The following LTBP1 variants were observed in gnomAD, a reference collection of about 807,000 sequenced individuals.
LTBP1 encodes latent transforming growth factor beta binding protein 1, also known as latent-transforming growth factor beta-binding protein 1.
LTBP1 carries 129 observed loss-of-function variants against 207.6 expected under a neutral mutation model. The observed-to-expected ratio is 0.62, with a 90% CI of 0.54 to 0.72. The LOEUF (loss-of-function observed/expected upper bound fraction) is 0.72, where lower values mean the gene tolerates loss of function less well. LTBP1 is among the 30% of genes least tolerant of loss of function. The pLI, the probability that LTBP1 is intolerant of heterozygous loss-of-function variation, is 0.00. For missense variants in LTBP1, 2,281 were observed against 2,217.2 expected (o/e 1.03, Z -0.58); for synonymous variants, 963 against 833.7 (o/e 1.16, Z -2.67).
In LTBP1 at chr2:33,052,665, A is replaced by C. The variant is rs115207308; in HGVS notation, c.863+31459A>C. Among the ~76,000 whole-genome samples the C allele has an allele frequency of 7.3e-3, 1,115 of 152,354 alleles. 1 individual carries two copies. Among genetic ancestry groups the C allele is most frequent in the Non-Finnish European group, 0.012 (819 of 68,038 alleles). ...AAGGGAAATTGGTTTATTGAGGAGA[A>C]TGTATCTTCATATACTATTTGTAAG... On this transcript the variant is annotated intron_variant, in intron 3 of 33. Coordinates refer to ENST00000404816, the MANE Select transcript of LTBP1 (RefSeq NM_206943.4).
At chr2:32,987,321 G>A (rs1683747875) in intron 2 of LTBP1, among the ~76,000 whole-genome samples, 1 of 152,122 alleles carries the variant, frequency 6.6e-6, no homozygotes, top group Non-Finnish European at 1.5e-5. Flanking sequence ...TGGAGAGGAA[G>A]GAATAGAAGA....
chr2:33,210,589 T>A (rs1388355243), intron 7 of LTBP1, among the ~76,000 whole-genome samples: 2 of 152,230 alleles, frequency 1.3e-5, no homozygotes, highest in Admixed American at 6.5e-5. Context: ...CTATGATGCT[T>A]CTTTTCCCCT....
rs58303103 is a variant in LTBP1, at chr2:33,149,228, C to CAAAA, written c.1201+14292_1201+14295dup. 4.1e-3 allele frequency among the ~76,000 whole-genome samples: 340 copies of CAAAA among 82,760 alleles called. 10 individuals carry two copies. Among genetic ancestry groups the CAAAA allele is most frequent in the African/African-American group, 6.5e-3 (138 of 21,174 alleles). 54.3% of individuals were successfully genotyped at this position (82,760 alleles called of 152,430 possible). ...AGACTCCGTCTCACTCACAAAAAAA[C>CAAAA]AAAAAAAAAAAAAAAAAAAAAAAAA... On this transcript the variant is annotated intron_variant, in intron 5 of 33. Coordinates refer to ENST00000404816, the MANE Select transcript of LTBP1 (RefSeq NM_206943.4).
intron 24 of LTBP1, among the ~76,000 whole-genome samples, chr2:33,338,771 G>A (rs1432124699): frequency 6.6e-6 from 1 of 152,184 alleles, no homozygotes; most frequent in East Asian, 1.9e-4. Context: ...GAAGGAGTAT[G>A]CACCAAGTCC....
intron 31 of LTBP1, among the ~76,000 whole-genome samples, chr2:33,382,004 G>C (rs6742198): frequency 1.3e-5 from 2 of 151,276 alleles, no homozygotes; most frequent in Non-Finnish European, 2.9e-5. Context: ...TTAATAGTGC[G>C]TGTTAGCTAA....
At chr2:32,990,013 G>A (rs932507082) in intron 2 of LTBP1, among the ~76,000 whole-genome samples, 3 of 152,204 alleles carry the variant, frequency 2.0e-5, no homozygotes, top group Admixed American at 1.3e-4. Flanking sequence ...GCTGAGGTGG[G>A]AGGACCGCTT....
intron 9 of LTBP1, among the ~76,000 whole-genome samples, chr2:33,242,854 G>A (rs1344804010): frequency 1.3e-5 from 2 of 152,142 alleles, no homozygotes; most frequent in Non-Finnish European, 2.9e-5. Flanking sequence ...CCTAGAGTCT[G>A]TCTTTGAGTC....
chr2:32,999,318 G>A (rs1449328537), intron 2 of LTBP1, among the ~76,000 whole-genome samples: 1 of 152,198 alleles, frequency 6.6e-6, no homozygotes, highest in African/African-American at 2.4e-5. Context: ...TTTAACCCGA[G>A]ATGCCTTAAA....
chr2:33,113,818 A>T (rs185916126), intron 4 of LTBP1, among the ~76,000 whole-genome samples: 1 of 152,038 alleles, frequency 6.6e-6, no homozygotes, highest in Non-Finnish European at 1.5e-5. Context: ...TATGTATCTC[A>T]GTTTGTTTAT....
chr2:33,267,828 T>G (rs1449546840), intron 15 of LTBP1, among the ~76,000 whole-genome samples: 1 of 152,202 alleles, frequency 6.6e-6, no homozygotes, highest in African/African-American at 2.4e-5. Flanking sequence ...CAAATTGAAG[T>G]TACTCAGCTT....
chr2:33,248,876 C>T (rs148410774), intron 10 of LTBP1, among the ~76,000 whole-genome samples: 10,243 of 152,152 alleles, frequency 0.067, 373 homozygotes, highest in Middle Eastern at 0.13. Flanking sequence ...CATGAGCCAC[C>T]GCGCCCAGCC....
chr2:33,286,390 C>T (rs2093665033), intron 19 of LTBP1, among the ~76,000 whole-genome samples: 1 of 152,208 alleles, frequency 6.6e-6, no homozygotes, highest in South Asian at 2.1e-4. Context: ...GTTCTTTTCA[C>T]ACTAGGCTTT....
chr2:33,163,625 A>G (rs114778221), intron 5 of LTBP1, among the ~76,000 whole-genome samples: 2,279 of 152,278 alleles, frequency 0.015, 23 homozygotes, highest in East Asian at 0.027. Flanking sequence ...GTTGCTGGAC[A>G]CCCTAAATAC....
chr2:33,158,137 C>CA (rs1160108504), intron 5 of LTBP1, among the ~76,000 whole-genome samples: 1,449 of 46,304 alleles, frequency 0.031, 18 homozygotes, highest in East Asian at 0.088. Flanking sequence ...ACTCTTGTCT[C>CA]AAAAAAAAAA....
chr2:33,121,299 T>C (rs903944037), intron 4 of LTBP1, among the ~76,000 whole-genome samples: 1 of 151,544 alleles, frequency 6.6e-6, no homozygotes, highest in Non-Finnish European at 1.5e-5. Context: ...TGAATGAAAA[T>C]ATTTTAAATA....
chr2:32,963,020 C>A (rs1455584994), intron 2 of LTBP1, among the ~76,000 whole-genome samples: 1 of 152,190 alleles, frequency 6.6e-6, no homozygotes, highest in Non-Finnish European at 1.5e-5. Flanking sequence ...ATGAGGGGGA[C>A]AGGGAAATCA....
At chr2:33,262,247 A>C (rs2093034134) in intron 13 of LTBP1, among the ~76,000 whole-genome samples, 1 of 152,206 alleles carries the variant, frequency 6.6e-6, no homozygotes, top group South Asian at 2.1e-4. Flanking sequence ...GACTGGTTTA[A>C]AATATTTTAA....
At chr2:33,012,136 C>T (rs1431810591) in intron 2 of LTBP1, among the ~76,000 whole-genome samples, 1 of 152,222 alleles carries the variant, frequency 6.6e-6, no homozygotes, top group Non-Finnish European at 1.5e-5. Flanking sequence ...AACATCATCT[C>T]TGTTTCCAGT....
intron 31 of LTBP1, among the ~76,000 whole-genome samples, chr2:33,365,977 C>T (rs2094982058): frequency 6.6e-6 from 1 of 152,138 alleles, no homozygotes. Flanking sequence ...GGGAAAAGTA[C>T]AGAAAGTAAT....
Sources: gnomAD v4.1 joint callset for allele counts (sites outside exome capture counted in the v4.1 genomes callset) on GRCh38, gnomAD v4.1.1 for gene constraint, MANE v1.5 for transcripts, NCBI Gene and HGNC (gene_info 2026-07-23, HGNC 2026-07-21) for gene names.